EIF4G3: variants seen among roughly 807,000 people sequenced by gnomAD.
EIF4G3 encodes eukaryotic translation initiation factor 4 gamma 3.
EIF4G3 carries 34 observed loss-of-function variants against 186.4 expected under a neutral mutation model. The ratio of observed to expected loss-of-function variants is 0.18; its 90% CI spans 0.14 to 0.24. EIF4G3 has a LOEUF of 0.24. EIF4G3 is among the 10% of genes least tolerant of loss of function. The probability of loss-of-function intolerance (pLI) is 1.00; values close to 1 mark genes in which losing one functional copy is unlikely to be tolerated. For missense variants in EIF4G3, 1,536 were observed against 1,948.5 expected, an observed-to-expected ratio of 0.79 and a Z score of 3.99; for synonymous variants, 673 against 679.5, an observed-to-expected ratio of 0.99 and a Z score of 0.15.
At chr1:20,937,185 A>AAG (rs1260742653) in intron 14 of EIF4G3, among the ~76,000 whole-genome samples, 2 of 152,350 alleles carry the variant, frequency 1.3e-5, no homozygotes, top group Admixed American at 6.5e-5. Context: ...TAGCTTAAAA[A>AAG]AGAGAGAGAG....
At chr1:21,100,162 C>A (rs888953608) in intron 2 of EIF4G3, among the ~76,000 whole-genome samples, 2 of 152,080 alleles carry the variant, frequency 1.3e-5, no homozygotes, top group Admixed American at 1.3e-4. Flanking sequence ...TAGGTAAATC[C>A]ATAGAGGCAG....
At chr1:20,867,097 T>C (rs2077723879) in intron 20 of EIF4G3, among the ~76,000 whole-genome samples, 1 of 152,204 alleles carries the variant, frequency 6.6e-6, no homozygotes. Context: ...ATCAAAAGTT[T>C]TGCTTACTTG....
At chr1:21,129,281 C>T (rs1254146887) in intron 2 of EIF4G3, among the ~76,000 whole-genome samples, 1 of 151,574 alleles carries the variant, frequency 6.6e-6, no homozygotes, top group Admixed American at 6.6e-5. Context: ...CACCACTGCA[C>T]TCCAGCCTGG....
At position 21,148,429 on chromosome 1, in the gene EIF4G3, G is replaced by A. The variant is rs185172106; in HGVS notation, c.-272+27746C>T. ...TTAAAAATCGAGTAAACAGCCGGGC[G>A]CGGTGGCTCACACCTGTCATCCCAG... is the stretch of plus-strand genomic sequence containing the variant. On this transcript the variant is annotated intron_variant, in intron 2 of 36. Coordinates refer to ENST00000602326, the MANE Select transcript of EIF4G3 (RefSeq NM_001391906.1). Among the ~76,000 whole-genome samples the A allele has an allele frequency of 9.9e-5, 15 of 152,084 alleles. No homozygotes were observed. The East Asian group carries it at 1.2e-3, about 12-fold the overall frequency.
At chr1:21,176,070 C>T (rs923026223) in intron 2 of EIF4G3, 105 bp downstream of exon 2, 4 of 253,330 alleles carry the variant, frequency 1.6e-5, no homozygotes, top group African/African-American at 9.2e-5. Flanking sequence ...CTGTCCCTTT[C>T]CTGGCTGGGC....
intron 10 of EIF4G3, among the ~76,000 whole-genome samples, chr1:20,976,445 T>C (rs1176675606): frequency 2.0e-5 from 3 of 151,918 alleles, no homozygotes; most frequent in African/African-American, 7.3e-5. Context: ...ATACTGGCAG[T>C]AAACGGCAGT....
chr1:21,089,625 G>A (rs1216059731), intron 2 of EIF4G3, among the ~76,000 whole-genome samples: 2 of 151,898 alleles, frequency 1.3e-5, no homozygotes, highest in Non-Finnish European at 1.5e-5. Context: ...AACACAGCAA[G>A]ACCTCATCTC....
intron 14 of EIF4G3, among the ~76,000 whole-genome samples, chr1:20,933,058 T>C (rs2095387376): frequency 6.6e-6 from 1 of 152,090 alleles, no homozygotes; most frequent in African/African-American, 2.4e-5. Flanking sequence ...GATGCAGAGG[T>C]ATGAGAGGAT....
chr1:21,101,137 G>A (rs897239984), intron 2 of EIF4G3, among the ~76,000 whole-genome samples: 3 of 151,974 alleles, frequency 2.0e-5, no homozygotes, highest in African/African-American at 7.2e-5. Context: ...AAAGTTTAAC[G>A]GTAAAAATAA....
chr1:20,905,329 G>T (rs2091752838), intron 14 of EIF4G3, among the ~76,000 whole-genome samples: 1 of 152,216 alleles, frequency 6.6e-6, no homozygotes, highest in Non-Finnish European at 1.5e-5. Flanking sequence ...ACTTAAGCAA[G>T]TCACAGGTCT....
chr1:21,117,909 C>G (rs2096857631), intron 2 of EIF4G3, among the ~76,000 whole-genome samples: 1 of 151,792 alleles, frequency 6.6e-6, no homozygotes, highest in African/African-American at 2.4e-5. Context: ...ACAGACCAGC[C>G]AAAAAAAGGA....
intron 7 of EIF4G3, among the ~76,000 whole-genome samples, chr1:20,983,575 T>C (rs567562877): frequency 3.9e-5 from 6 of 152,200 alleles, no homozygotes; most frequent in Non-Finnish European, 7.3e-5. Context: ...ATAATGTAGT[T>C]AATATCAGGA....
chr1:20,904,734 C>G, intron 15 of EIF4G3, 149 bp downstream of exon 15: 2 of 463,094 alleles, frequency 4.3e-6, no homozygotes, highest in Non-Finnish European at 7.5e-6. Context: ...TTTTAAAATT[C>G]TAATATAAAA....
intron 7 of EIF4G3, among the ~76,000 whole-genome samples, chr1:20,993,237 C>T (rs1387953324): frequency 6.6e-6 from 1 of 152,108 alleles, no homozygotes; most frequent in Non-Finnish European, 1.5e-5. Context: ...TCAAAAAGAG[C>T]TCTAGCCCTC....
intron 20 of EIF4G3, among the ~76,000 whole-genome samples, chr1:20,869,548 G>C (rs1249016841): frequency 6.6e-6 from 1 of 151,780 alleles, no homozygotes; most frequent in Non-Finnish European, 1.5e-5. Context: ...AGCTGAGGCG[G>C]GTGGATCACG....
At chr1:21,161,309 GCCTGGCCAACATGACAAA>G (rs1330621096) in intron 2 of EIF4G3, among the ~76,000 whole-genome samples, 1 of 151,920 alleles carries the variant, frequency 6.6e-6, no homozygotes, top group African/African-American at 2.4e-5. Context: ...TTCAAGACCA[GCCTGGCCAACATGACAAA>G]ACCCCACCTC....
At chr1:21,131,858 G>A (rs2102515563) in intron 2 of EIF4G3, among the ~76,000 whole-genome samples, 1 of 152,204 alleles carries the variant, frequency 6.6e-6, no homozygotes, top group African/African-American at 2.4e-5. Context: ...TGTAGTCCAA[G>A]CTACTTGGGA....
At chr1:21,085,288 G>A (rs1040663427) in intron 3 of EIF4G3, among the ~76,000 whole-genome samples, 5 of 151,924 alleles carry the variant, frequency 3.3e-5, no homozygotes, top group South Asian at 2.1e-4. Flanking sequence ...AAACATTATC[G>A]TATTTTAAGA....
chr1:20,951,269 A>G (rs2154563489), intron 12 of EIF4G3, among the ~76,000 whole-genome samples: 1 of 152,308 alleles, frequency 6.6e-6, no homozygotes, highest in East Asian at 1.9e-4. Flanking sequence ...GCTTTTCAGA[A>G]TGTACAACAT....
Sources: allele counts gnomAD v4.1 joint callset (sites outside exome capture counted in the v4.1 genomes callset), GRCh38; gene constraint gnomAD v4.1.1; transcripts MANE v1.5; gene names NCBI Gene and HGNC (gene_info 2026-07-23, HGNC 2026-07-21).